PLA2G4A: variants seen among roughly 807,000 people sequenced by gnomAD.
The protein encoded by PLA2G4A is cytosolic phospholipase A2.
PLA2G4A carries 40 observed loss-of-function variants against 81.9 expected under a neutral mutation model. That is an observed-to-expected ratio of 0.49 (90% confidence interval 0.38 to 0.64). The LOEUF is 0.64. Ranked by LOEUF, PLA2G4A falls within the 30% of genes least tolerant of loss-of-function variation. The pLI, the probability that PLA2G4A is intolerant of heterozygous loss-of-function variation, is 0.00. For synonymous variants in PLA2G4A, 302 were observed against 296.9 expected, an observed-to-expected ratio of 1.02 and a Z score of -0.18; for missense variants, 715 against 905.1, an observed-to-expected ratio of 0.79 and a Z score of 2.69.
intron 9 of PLA2G4A, among the ~76,000 whole-genome samples, chr1:186,939,745 C>T (rs1310896350): frequency 6.6e-6 from 1 of 152,074 alleles, no homozygotes; most frequent in Non-Finnish European, 1.5e-5. Context: ...AATTCATTCT[C>T]CAGTTCAGAT....
intron 12 of PLA2G4A, among the ~76,000 whole-genome samples, chr1:186,950,216 TTA>T (rs1557888258): frequency 2.6e-5 from 4 of 152,312 alleles, no homozygotes; most frequent in African/African-American, 9.6e-5. Context: ...AAAAGATAAT[TTA>T]TGTTAGTATC....
At chr1:186,878,471 T>A (rs1425990306) in intron 3 of PLA2G4A, among the ~76,000 whole-genome samples, 3 of 151,546 alleles carry the variant, frequency 2.0e-5, no homozygotes, top group African/African-American at 7.2e-5. Context: ...CCCAAGATTT[T>A]AAAAATTCTA....
At chr1:186,910,767 T>C (rs1654910199) in intron 6 of PLA2G4A, among the ~76,000 whole-genome samples, 1 of 152,172 alleles carries the variant, frequency 6.6e-6, no homozygotes, top group African/African-American at 2.4e-5. Flanking sequence ...GGGGCATCCA[T>C]TAGACAAGGC....
intron 1 of PLA2G4A, among the ~76,000 whole-genome samples, chr1:186,848,950 A>G (rs1446613329): frequency 6.6e-6 from 1 of 152,080 alleles, no homozygotes; most frequent in Non-Finnish European, 1.5e-5. Flanking sequence ...GAGAAGAGGA[A>G]ATAAAATTGC....
At chr1:186,930,583 A>G (rs1655707771) in intron 7 of PLA2G4A, among the ~76,000 whole-genome samples, 2 of 152,202 alleles carry the variant, frequency 1.3e-5, no homozygotes, top group African/African-American at 2.4e-5. Context: ...AATGAATTGT[A>G]TAATCTGTTA....
At chr1:186,844,026 A>C (rs562081303) in intron 1 of PLA2G4A, among the ~76,000 whole-genome samples, 1 of 152,310 alleles carries the variant, frequency 6.6e-6, no homozygotes, top group East Asian at 1.9e-4. Context: ...AACAGTATGG[A>C]TATCAGCCAT....
rs903683656 is a variant in PLA2G4A at position 186,952,214 on chromosome 1, G to C, written c.1336+1486G>C. ...AGAATAATGGTTTCTCCATTATTAA[G>C]TATTTCTATAGATAGTCAGTACATT... On this transcript the variant is annotated intron_variant, in intron 13 of 17. Coordinates refer to ENST00000367466, the MANE Select transcript of PLA2G4A (RefSeq NM_024420.3). Among the ~76,000 whole-genome samples, 12 of 152,226 alleles carry C rather than the reference G, an allele frequency of 7.9e-5. No homozygotes were observed. The East Asian group carries it at 1.5e-3, about 20-fold the overall frequency.
At chr1:186,917,993 G>A (rs1655201799) in intron 7 of PLA2G4A, among the ~76,000 whole-genome samples, 1 of 152,196 alleles carries the variant, frequency 6.6e-6, no homozygotes, top group Non-Finnish European at 1.5e-5. Flanking sequence ...GTGGTTTCGT[G>A]CATGGCCAAT....
chr1:186,855,674 G>A (rs1394565718), intron 2 of PLA2G4A, among the ~76,000 whole-genome samples: 1 of 151,912 alleles, frequency 6.6e-6, no homozygotes, highest in Non-Finnish European at 1.5e-5. Flanking sequence ...TCATGTTGTT[G>A]TGAGTAGCAC....
chr1:186,979,264 A>G, intron 16 of PLA2G4A, 51 bp from the exon 17 acceptor site: 1 of 1,348,390 alleles, frequency 7.4e-7, no homozygotes. Flanking sequence ...GGTTTTAGAG[A>G]TATTTTGTAG....
Position 186,867,913 on chromosome 1 carries a change from T to C in PLA2G4A, c.34-2522T>C, listed in dbSNP as rs182771861. On this transcript the variant is annotated intron_variant, in intron 2 of 17. Transcript: ENST00000367466. Reference sequence around the variant, plus strand: ...GAAATTTTTTATTATTATGGATGGATGTTAAATTTTGTCAAATGCTTTTTA... The same window carrying C: ...GAAATTTTTTATTATTATGGATGGACGTTAAATTTTGTCAAATGCTTTTTA... 4.1e-3 allele frequency among the ~76,000 whole-genome samples: 619 copies of C among 152,198 alleles called. 7 individuals carry two copies. The highest frequency in any genetic ancestry group is 0.014 in the African/African-American group (581 of 41,542).
Position 186,894,089 on chromosome 1 carries a change from A to T in PLA2G4A, c.265-9A>T. On this transcript the variant is annotated splice_polypyrimidine_tract_variant and intron_variant, in intron 4 of 17. Transcript: ENST00000367466. ...ATTTTATTTTTGTGCTTTACATTTT[A>T]CTCTGTAGATTACGTTAATGGATGC... is the stretch of plus-strand genomic sequence containing the variant. 9.8e-7 allele frequency: 1 copy of T among 1,022,184 alleles called. No homozygotes were observed. The highest frequency in any genetic ancestry group is 2.4e-5 in the East Asian group (1 of 42,122). The allele number at this position is 1,022,184 out of a possible 1,614,324, so 63.3% of individuals were successfully genotyped here. A position where few individuals can be genotyped will look rare whatever the true frequency, so the allele number is the denominator to read the frequency against.
intron 7 of PLA2G4A, among the ~76,000 whole-genome samples, chr1:186,915,167 C>T (rs1655095301): frequency 6.6e-6 from 1 of 152,134 alleles, no homozygotes; most frequent in South Asian, 2.1e-4. Context: ...TGTCATATCT[C>T]TAACTATGTC....
Position 186,988,474 on chromosome 1 carries a change from T to C in PLA2G4A, c.2216T>C (p.Phe739Ser), listed in dbSNP as rs1419415958. Residue 739 changes from phenylalanine to serine, a missense_variant, in exon 18 of 18, where the codon TTC becomes TCC. By Grantham distance (155) the Phe-to-Ser change is radical. Transcript: ENST00000367466. ...AGTAATGTTGAGGCAAGAAGATTTT[T>C]CAACAAGGAGTTTCTAAGTAAACCC... is the stretch of plus-strand genomic sequence containing the variant. ...SLSNVEARRF[F>S]NKEFLSKPKA 1.9e-6 allele frequency: 3 copies of C among 1,612,824 alleles called. No homozygotes were observed. Among genetic ancestry groups the C allele is most frequent in the Non-Finnish European group, 8.5e-7 (1 of 1,179,046 alleles).
At chr1:186,910,621 A>G (rs1380079112) in intron 6 of PLA2G4A, among the ~76,000 whole-genome samples, 1 of 152,158 alleles carries the variant, frequency 6.6e-6, no homozygotes, top group Non-Finnish European at 1.5e-5. Context: ...CTTCTGGCAT[A>G]GTGTAGAGAA....
intron 3 of PLA2G4A, among the ~76,000 whole-genome samples, chr1:186,885,163 A>G (rs968245289): frequency 1.3e-5 from 2 of 152,272 alleles, no homozygotes; most frequent in South Asian, 4.1e-4. Flanking sequence ...GACAGCCAGC[A>G]CCTTCATCAC....
chr1:186,859,780 C>T (rs1269618877), intron 2 of PLA2G4A, among the ~76,000 whole-genome samples: 1 of 152,092 alleles, frequency 6.6e-6, no homozygotes, highest in Non-Finnish European at 1.5e-5. Flanking sequence ...TAGTCTTAAC[C>T]AGTTACATGA....
At chr1:186,904,676 C>T (rs1426515564) in intron 5 of PLA2G4A, among the ~76,000 whole-genome samples, 1 of 152,186 alleles carries the variant, frequency 6.6e-6, no homozygotes, top group South Asian at 2.1e-4. Context: ...CTTCCGTTAT[C>T]CTGCCTTTGT....
intron 10 of PLA2G4A, 124 bp from the exon 11 acceptor site, chr1:186,946,513 A>C: frequency 1.3e-6 from 1 of 792,074 alleles, no homozygotes; most frequent in Non-Finnish European, 2.2e-6. Flanking sequence ...TAATGTTTTC[A>C]TTTTGATATT....
Sources: allele counts gnomAD v4.1 joint callset (sites outside exome capture counted in the v4.1 genomes callset), GRCh38; gene constraint gnomAD v4.1.1; transcripts MANE v1.5; gene names NCBI Gene and HGNC (gene_info 2026-07-23, HGNC 2026-07-21).